The following SBF2 variants were observed in gnomAD, a reference collection of about 807,000 sequenced individuals.
SBF2 encodes the protein SET binding factor 2, also known as myotubularin-related protein 13.
A neutral mutation model predicts 225.2 loss-of-function variants in SBF2; 112 were observed. The ratio of observed to expected loss-of-function variants is 0.50; its 90% CI spans 0.43 to 0.58. The LOEUF (loss-of-function observed/expected upper bound fraction) is 0.58, where lower values mean the gene tolerates loss of function less well. Ranked by LOEUF, SBF2 falls within the 20% of genes least tolerant of loss-of-function variation. The pLI is 0.00. For missense variants in SBF2, 1,996 were observed against 2,206.2 expected (o/e 0.90, Z 1.91); for synonymous variants, 763 against 773.3 (o/e 0.99, Z 0.22).
chr11:9,965,525 T>A (rs1866849894), intron 14 of SBF2, among the ~76,000 whole-genome samples: 2 of 152,170 alleles, frequency 1.3e-5, no homozygotes, highest in Admixed American at 1.3e-4. Context: ...CGACCTCAGG[T>A]GATACGCCGA....
chr11:9,843,519 G>C (rs1438487475), intron 24 of SBF2, among the ~76,000 whole-genome samples: 1 of 152,178 alleles, frequency 6.6e-6, no homozygotes, highest in Non-Finnish European at 1.5e-5. Context: ...ATTAAACAGA[G>C]AACCTATTTC....
At chr11:10,141,185 G>A (rs1954623625) in intron 2 of SBF2, among the ~76,000 whole-genome samples, 1 of 152,094 alleles carries the variant, frequency 6.6e-6, no homozygotes, top group Non-Finnish European at 1.5e-5. Context: ...GTCATGTTTT[G>A]TATTCAGAAA....
chr11:10,180,705 T>C (rs1956704810), intron 2 of SBF2, among the ~76,000 whole-genome samples: 1 of 152,170 alleles, frequency 6.6e-6, no homozygotes, highest in African/African-American at 2.4e-5. Flanking sequence ...CAATAACTCT[T>C]AGATTTGCCC....
chr11:10,161,938 T>C (rs1955761083), intron 2 of SBF2, among the ~76,000 whole-genome samples: 1 of 152,190 alleles, frequency 6.6e-6, no homozygotes, highest in African/African-American at 2.4e-5. Flanking sequence ...TGTCCTGTGA[T>C]TGCACCACTA....
At chr11:9,852,581 A>G (rs113626955) in intron 21 of SBF2, 95 bp downstream of exon 21, 1 of 887,852 alleles carries the variant, frequency 1.1e-6, no homozygotes, top group African/African-American at 1.6e-5. Context: ...GTGTCTGTCA[A>G]AGGTTAGGTG....
intron 17 of SBF2, among the ~76,000 whole-genome samples, chr11:9,859,132 A>G (rs1857530186): frequency 6.6e-6 from 1 of 152,250 alleles, no homozygotes; most frequent in African/African-American, 2.4e-5. Flanking sequence ...CTCTGCAGGC[A>G]TTTAGAAGGC....
intron 1 of SBF2, among the ~76,000 whole-genome samples, chr11:10,289,774 C>A (rs767472130): frequency 6.6e-6 from 1 of 152,168 alleles, no homozygotes; most frequent in Non-Finnish European, 1.5e-5. Context: ...CTCCCACTTC[C>A]GGCCCCAGAC....
chr11:10,093,675 C>T (rs1220791183), intron 2 of SBF2, among the ~76,000 whole-genome samples: 1 of 152,038 alleles, frequency 6.6e-6, no homozygotes, highest in African/African-American at 2.4e-5. Context: ...TTCTAGTCTC[C>T]CACTAAACTG....
At chr11:9,839,296 CCTTCTCACCTA>C in intron 26 of SBF2, 191 bp downstream of exon 26, 1 of 606,934 alleles carries the variant, frequency 1.6e-6, no homozygotes, top group South Asian at 1.9e-5. Flanking sequence ...TTACCTTTCA[CCTTCTCACCTA>C]CTAGAGGTAC....
intron 1 of SBF2, among the ~76,000 whole-genome samples, chr11:10,270,488 T>C (rs1483680982): frequency 6.6e-6 from 1 of 152,004 alleles, no homozygotes; most frequent in Non-Finnish European, 1.5e-5. Flanking sequence ...TCATGTTGAG[T>C]AGGCTGAGGA....
chr11:10,155,769 C>G (rs1467862604), intron 2 of SBF2, among the ~76,000 whole-genome samples: 5 of 152,200 alleles, frequency 3.3e-5, no homozygotes, highest in Non-Finnish European at 2.9e-5. Flanking sequence ...GAAACAGTTA[C>G]AAATGGGGAA....
intron 1 of SBF2, among the ~76,000 whole-genome samples, chr11:10,194,662 C>T (rs961226045): frequency 2.0e-5 from 3 of 152,154 alleles, no homozygotes; most frequent in African/African-American, 7.2e-5. Context: ...AGGCACCCAC[C>T]ACCATGCCCA....
At chr11:10,069,137 T>C (rs1409043329) in intron 2 of SBF2, among the ~76,000 whole-genome samples, 1 of 152,200 alleles carries the variant, frequency 6.6e-6, no homozygotes, top group Non-Finnish European at 1.5e-5. Flanking sequence ...TAATTGTCAA[T>C]AATTCACCAC....
chr11:9,871,670 T>G (rs1488101907), intron 17 of SBF2, among the ~76,000 whole-genome samples: 3 of 151,938 alleles, frequency 2.0e-5, no homozygotes, highest in Non-Finnish European at 4.4e-5. Flanking sequence ...TTATTGTATT[T>G]TTAGTTGAGA....
intron 28 of SBF2, 97 bp downstream of exon 28, chr11:9,829,259 A>T (rs1855239117): frequency 7.3e-7 from 1 of 1,374,992 alleles, no homozygotes; most frequent in Admixed American, 1.7e-5. Context: ...TTGGTGAAGG[A>T]ACAGTACAAA....
intron 24 of SBF2, among the ~76,000 whole-genome samples, chr11:9,842,976 T>C (rs1856271945): frequency 6.6e-6 from 1 of 152,206 alleles, no homozygotes; most frequent in Admixed American, 6.5e-5. Flanking sequence ...CAGGATACTG[T>C]CTTAGGAAAA....
intron 2 of SBF2, among the ~76,000 whole-genome samples, chr11:10,140,876 C>T (rs193008387): frequency 1.7e-4 from 26 of 152,220 alleles, no homozygotes; most frequent in African/African-American, 6.0e-4. Context: ...GGAAAAATTC[C>T]CACACATCTG....
intron 2 of SBF2, among the ~76,000 whole-genome samples, chr11:10,064,397 G>T (rs1373983323): frequency 6.6e-6 from 1 of 151,980 alleles, no homozygotes; most frequent in Middle Eastern, 3.2e-3. Flanking sequence ...CTAAAAGAAG[G>T]CTGAAAAATA....
intron 6 of SBF2, among the ~76,000 whole-genome samples, chr11:10,023,684 GTAGCACGTATC>G (rs1301949653): frequency 1.3e-5 from 2 of 152,098 alleles, no homozygotes; most frequent in African/African-American, 4.8e-5. Context: ...CACCCAGGTT[GTAGCACGTATC>G]AATACTTCAT....
Sources: allele counts gnomAD v4.1 joint callset (sites outside exome capture counted in the v4.1 genomes callset), GRCh38; gene constraint gnomAD v4.1.1; transcripts MANE v1.5; gene names NCBI Gene and HGNC (gene_info 2026-07-23, HGNC 2026-07-21).